The following MRPL48 variants were observed in gnomAD, a reference collection of about 807,000 sequenced individuals.
MRPL48 encodes the protein large ribosomal subunit protein mL48.
MRPL48 carries 16 observed loss-of-function variants against 32.9 expected under a neutral mutation model. The observed-to-expected ratio is 0.49, with a 90% confidence interval of 0.33 to 0.74. MRPL48 has a LOEUF of 0.74. Ranked by LOEUF, MRPL48 falls within the 30% of genes least tolerant of loss-of-function variation. The pLI, the probability that MRPL48 is intolerant of heterozygous loss-of-function variation, is 0.02. For missense variants in MRPL48, 206 were observed against 245.3 expected (o/e 0.84, Z 1.07); for synonymous variants, 94 against 89.2 (o/e 1.05, Z -0.31).
rs1947568448 is a variant in MRPL48 at position 73,811,572 on chromosome 11, TTTCA to T, written c.112+3225_112+3228del. Among the ~76,000 whole-genome samples, 5 of 152,222 alleles carry T rather than the reference TTTCA, an allele frequency of 3.3e-5. No individual in the cohort carries two copies. In the South Asian group the frequency reaches 1.0e-3, roughly 32 times the overall value. On this transcript the variant is annotated intron_variant, in intron 3 of 7. Transcript: ENST00000310614. Reference sequence around the variant, plus strand: ...GGCAACTATTAACATTTTGTCAGACTTTCATTGTCTTTTTTGTATTAAAACAAAA... The same window carrying T: ...GGCAACTATTAACATTTTGTCAGACTTTGTCTTTTTTGTATTAAAACAAAA...
intron 6 of MRPL48, among the ~76,000 whole-genome samples, chr11:73,861,442 T>A (rs1948582795): frequency 6.6e-6 from 1 of 152,200 alleles, no homozygotes. Context: ...CGATCTCGGC[T>A]CACCGCAACC....
chr11:73,807,206 T>C (rs1472677249), intron 2 of MRPL48, among the ~76,000 whole-genome samples: 1 of 152,150 alleles, frequency 6.6e-6, no homozygotes, highest in Non-Finnish European at 1.5e-5. Flanking sequence ...TGAAATACAT[T>C]TGGTGGTTTA....
intron 4 of MRPL48, among the ~76,000 whole-genome samples, chr11:73,840,745 C>G (rs528313002): frequency 2.0e-5 from 3 of 152,172 alleles, no homozygotes; most frequent in Admixed American, 1.3e-4. Context: ...GGTGATGCAC[C>G]CACCTCGGCC....
At chr11:73,851,177 C>A in intron 5 of MRPL48, 5 of 439,558 alleles carry the variant, frequency 1.1e-5, no homozygotes, top group South Asian at 8.5e-5. Flanking sequence ...GCAAACTCCT[C>A]CCAGTTCACA....
intron 5 of MRPL48, among the ~76,000 whole-genome samples, chr11:73,846,067 CAAAAAAA>C (rs749259766): frequency 1.7e-4 from 10 of 57,824 alleles, no homozygotes; most frequent in Admixed American, 6.3e-4. Context: ...GACCCTGTCT[CAAAAAAA>C]AAAAAAAAAA....
chr11:73,850,984 A>G (rs1200086260), intron 5 of MRPL48: 2 of 395,626 alleles, frequency 5.1e-6, no homozygotes, highest in Non-Finnish European at 4.9e-6. Context: ...CCTGGGCTAT[A>G]CAATTTTTTA....
chr11:73,810,700 C>T (rs1947551877), intron 3 of MRPL48, among the ~76,000 whole-genome samples: 1 of 151,810 alleles, frequency 6.6e-6, no homozygotes, highest in African/African-American at 2.4e-5. Context: ...AATGTTATCT[C>T]TCCACTAGCC....
At chr11:73,798,773 C>T (rs1239980074) in intron 1 of MRPL48, among the ~76,000 whole-genome samples, 3 of 151,868 alleles carry the variant, frequency 2.0e-5, no homozygotes, top group African/African-American at 4.8e-5. Context: ...GGGCGGATCA[C>T]GAGGTCAGGA....
intron 4 of MRPL48, among the ~76,000 whole-genome samples, chr11:73,839,444 C>T (rs1375270248): frequency 3.9e-5 from 6 of 152,012 alleles, no homozygotes; most frequent in Non-Finnish European, 7.4e-5. Flanking sequence ...GTGGTATTAT[C>T]TCATGGATAG....
At chr11:73,861,341 A>G (rs2135092004) in intron 6 of MRPL48, among the ~76,000 whole-genome samples, 1 of 151,122 alleles carries the variant, frequency 6.6e-6, no homozygotes, top group South Asian at 2.1e-4. Flanking sequence ...TACTCCAGCC[A>G]CACGTGGAGC....
At chr11:73,822,211 T>G (rs941943843) in intron 3 of MRPL48, among the ~76,000 whole-genome samples, 2 of 152,144 alleles carry the variant, frequency 1.3e-5, no homozygotes, top group Admixed American at 6.6e-5. Flanking sequence ...ACCTCCCTAT[T>G]CCTTACACGG....
chr11:73,852,393 CAAAAAAAAAA>C (rs10554131), intron 5 of MRPL48, among the ~76,000 whole-genome samples: 42 of 83,352 alleles, frequency 5.0e-4, no homozygotes, highest in African/African-American at 9.8e-4. Context: ...AACTCTATAG[CAAAAAAAAAA>C]AAAAAAAAAA....
At chr11:73,806,588 T>G (rs1488010162) in intron 2 of MRPL48, among the ~76,000 whole-genome samples, 1 of 152,170 alleles carries the variant, frequency 6.6e-6, no homozygotes, top group Admixed American at 6.6e-5. Context: ...CCTTGCCCCT[T>G]AAAAATAAGC....
intron 2 of MRPL48, 40 bp from the exon 3 acceptor site, chr11:73,808,273 G>A (rs1947496235): frequency 6.4e-7 from 1 of 1,558,286 alleles, no homozygotes; most frequent in Admixed American, 1.9e-5. Flanking sequence ...TAAAATATGG[G>A]TTTCTAATTG....
At chr11:73,803,668 T>A (rs1308027314) in intron 1 of MRPL48, among the ~76,000 whole-genome samples, 6 of 152,062 alleles carry the variant, frequency 3.9e-5, no homozygotes, top group Admixed American at 3.3e-4. Context: ...TTGAAAGAAT[T>A]AAAATTGTTA....
At chr11:73,790,062 A>ATTTTTTTTT (rs34534770) in intron 1 of MRPL48, among the ~76,000 whole-genome samples, 1 of 103,828 alleles carries the variant, frequency 9.6e-6, no homozygotes, top group Non-Finnish European at 1.9e-5. Flanking sequence ...TGCTCAGCTA[A>ATTTTTTTTT]TTTTTTTTTT....
intron 3 of MRPL48, among the ~76,000 whole-genome samples, chr11:73,819,780 C>A (rs1281261653): frequency 3.9e-5 from 6 of 152,092 alleles, no homozygotes; most frequent in South Asian, 4.1e-4. Flanking sequence ...ACCCTGTAGT[C>A]CCAGCTACTC....
chr11:73,787,954 G>A lies in MRPL48; in HGVS notation c.-18G>A. The A allele has an allele frequency of 2.5e-6, 4 of 1,612,858 alleles. No homozygotes were observed. Among genetic ancestry groups the A allele is most frequent in the South Asian group, 2.2e-5 (2 of 90,850 alleles). ...CGGTCTTCGGTTTGCACAGCTAGAG[G>A]CCGCGCAGCAGCAAAGGATGAGCGG... On this transcript the variant is annotated 5_prime_UTR_variant, in exon 1 of 8. Transcript: ENST00000310614.
intron 5 of MRPL48, among the ~76,000 whole-genome samples, chr11:73,846,968 T>C (rs1399699953): frequency 6.6e-6 from 1 of 150,822 alleles, no homozygotes; most frequent in Non-Finnish European, 1.5e-5. Flanking sequence ...TTCCTTTCTT[T>C]TTTTCTTTTT....
Sources: allele counts gnomAD v4.1 joint callset (sites outside exome capture counted in the v4.1 genomes callset), GRCh38; gene constraint gnomAD v4.1.1; transcripts MANE v1.5; gene names NCBI Gene and HGNC (gene_info 2026-07-23, HGNC 2026-07-21).